Variants in RIBC2 observed in about 807,000 individuals in gnomAD.
RIBC2 encodes RIB43A-like with coiled-coils protein 2.
A neutral mutation model predicts 44.3 loss-of-function variants in RIBC2; 40 were observed. The ratio of observed to expected loss-of-function variants is 0.90; its 90% CI spans 0.70 to 1.18. The LOEUF is 1.18. Ranked by LOEUF, RIBC2 falls within the 50% of genes most tolerant of loss-of-function variation. RIBC2 has a pLI of 0.00. For missense variants in RIBC2, 459 were observed against 485.5 expected (o/e 0.95, Z 0.51); for synonymous variants, 171 against 175.0 (o/e 0.98, Z 0.18).
intron 3 of RIBC2, chr22:45,418,219 T>G: frequency 3.6e-6 from 1 of 279,736 alleles, no homozygotes; most frequent in Non-Finnish European, 6.7e-6. Flanking sequence ...CGTGTCGGGG[T>G]CCCAGTTGGA....
intron 3 of RIBC2, among the ~76,000 whole-genome samples, chr22:45,421,595 GTATTATTAATAATAATAATGT>G (rs2087485326): frequency 3.1e-5 from 1 of 32,010 alleles, no homozygotes; most frequent in South Asian, 1.7e-3. Flanking sequence ...AATAATAATA[GTATTATTAATAATAATAATGT>G]TATTATTCTG....
intron 2 of RIBC2, among the ~76,000 whole-genome samples, chr22:45,417,216 G>C (rs576268782): frequency 6.6e-6 from 1 of 152,172 alleles, no homozygotes; most frequent in African/African-American, 2.4e-5. Flanking sequence ...TTTCTTTATA[G>C]TGATCTGCCT....
At chr22:45,422,814 C>T (rs1298109132) in intron 4 of RIBC2, among the ~76,000 whole-genome samples, 3 of 152,098 alleles carry the variant, frequency 2.0e-5, no homozygotes, top group Non-Finnish European at 4.4e-5. Context: ...GGATGCTCAC[C>T]GATGGCAGGG....
Position 45,429,366 on chromosome 22 carries a change from T to C in RIBC2, c.904-1534T>C, listed in dbSNP as rs551469315. Reference sequence around the variant, plus strand: ...GGGACAAGAGAGGGCTGTCTCTGTGTGTGCTGAAACCACTGAGAATCCTGG... The same window carrying C: ...GGGACAAGAGAGGGCTGTCTCTGTGCGTGCTGAAACCACTGAGAATCCTGG... On this transcript the variant is annotated intron_variant, in intron 5 of 6. Transcript: ENST00000614167. 4.0e-3 allele frequency among the ~76,000 whole-genome samples: 603 copies of C among 152,178 alleles called. 1 individual carries two copies. Among genetic ancestry groups the C allele is most frequent in the Non-Finnish European group, 7.3e-3 (495 of 68,012 alleles).
chr22:45,421,343 AATT>A (rs1432035690), intron 3 of RIBC2, among the ~76,000 whole-genome samples: 2 of 131,906 alleles, frequency 1.5e-5, no homozygotes, highest in Non-Finnish European at 3.2e-5. Context: ...TAATAATAAT[AATT>A]AAATAATTAA....
intron 2 of RIBC2, among the ~76,000 whole-genome samples, chr22:45,414,917 C>A (rs577869791): frequency 2.3e-3 from 353 of 152,288 alleles, no homozygotes; most frequent in Non-Finnish European, 3.7e-3. Flanking sequence ...TGAAGGACAG[C>A]TGTTTATACC....
intron 5 of RIBC2, among the ~76,000 whole-genome samples, chr22:45,430,210 C>T (rs1009342611): frequency 2.6e-5 from 4 of 152,122 alleles, no homozygotes; most frequent in East Asian, 1.9e-4. Context: ...GCTTATTTGG[C>T]GGGAGGAGGC....
rs1445630465 is a variant in RIBC2 at position 45,421,589 on chromosome 22, A to G, written c.557-701A>G. 6.4e-3 allele frequency among the ~76,000 whole-genome samples: 241 copies of G among 37,942 alleles called. 7 individuals are homozygous for G. The highest frequency in any genetic ancestry group is 0.031 in the African/African-American group (225 of 7,252). 24.9% of individuals were successfully genotyped at this position (37,942 alleles called of 152,430 possible). On this transcript the variant is annotated intron_variant, in intron 3 of 6. Transcript: ENST00000614167. Reference sequence around the variant, plus strand: ...ATTAATAATAGTATTATTAATAATAATAATAGTATTATTAATAATAATAAT... The same window carrying G: ...ATTAATAATAGTATTATTAATAATAGTAATAGTATTATTAATAATAATAAT...
intron 3 of RIBC2, among the ~76,000 whole-genome samples, chr22:45,420,199 C>T (rs1347257064): frequency 1.3e-5 from 2 of 152,174 alleles, no homozygotes; most frequent in Admixed American, 6.5e-5. Context: ...CACTATCTTG[C>T]TGTTTTCAGA....
chr22:45,428,446 T>C (rs1216589342), intron 5 of RIBC2, among the ~76,000 whole-genome samples: 1 of 151,972 alleles, frequency 6.6e-6, no homozygotes, highest in Non-Finnish European at 1.5e-5. Context: ...GAGGGGGAAA[T>C]TGATGCCAGA....
chr22:45,419,299 C>T (rs2087455237), intron 3 of RIBC2, among the ~76,000 whole-genome samples: 1 of 152,012 alleles, frequency 6.6e-6, no homozygotes, highest in Non-Finnish European at 1.5e-5. Context: ...CCCTGCAGAC[C>T]TGACCTTCTA....
At chr22:45,423,058 C>T (rs1039188991) in intron 4 of RIBC2, among the ~76,000 whole-genome samples, 6 of 152,082 alleles carry the variant, frequency 3.9e-5, no homozygotes, top group African/African-American at 1.2e-4. Flanking sequence ...CATGGCTCAC[C>T]GCAGCCTCGA....
intron 2 of RIBC2, among the ~76,000 whole-genome samples, chr22:45,417,333 T>G (rs1393819534): frequency 6.6e-6 from 1 of 152,162 alleles, no homozygotes; most frequent in Non-Finnish European, 1.5e-5. Context: ...TTAATGGCTG[T>G]GTTACTTTTT....
At chr22:45,431,539 C>G (rs1209014568) in intron 6 of RIBC2, among the ~76,000 whole-genome samples, 1 of 152,248 alleles carries the variant, frequency 6.6e-6, no homozygotes, top group Admixed American at 6.5e-5. Context: ...CTGAAAAACA[C>G]AGTATTTATT....
intron 4 of RIBC2, 116 bp downstream of exon 4, chr22:45,422,524 C>T (rs2087496535): frequency 1.3e-6 from 1 of 762,332 alleles, no homozygotes; most frequent in Admixed American, 1.9e-5. Context: ...TCCCTGGTCA[C>T]ATGACCGGCC....
chr22:45,427,863 G>T (rs2087547695), intron 5 of RIBC2, among the ~76,000 whole-genome samples: 1 of 152,206 alleles, frequency 6.6e-6, no homozygotes, highest in South Asian at 2.1e-4. Context: ...TCAAACTCCT[G>T]GTCTCAAGTG....
At chr22:45,429,511 GA>G (rs2087560766) in intron 5 of RIBC2, among the ~76,000 whole-genome samples, 2 of 152,130 alleles carry the variant, frequency 1.3e-5, no homozygotes, top group African/African-American at 4.8e-5. Context: ...GAGGAGGAGG[GA>G]CAGTGGCGGT....
At chr22:45,419,545 G>A (rs572498794) in intron 3 of RIBC2, among the ~76,000 whole-genome samples, 2 of 152,112 alleles carry the variant, frequency 1.3e-5, no homozygotes, top group Non-Finnish European at 2.9e-5. Flanking sequence ...GCCAGCCCGG[G>A]CAACAAAGTG....
intron 4 of RIBC2, among the ~76,000 whole-genome samples, chr22:45,423,259 C>G (rs1367182525): frequency 6.7e-6 from 1 of 149,560 alleles, no homozygotes; most frequent in East Asian, 2.0e-4. Flanking sequence ...CTGGGATTAC[C>G]ACATCTGGCC....
Sources: gnomAD v4.1 joint callset for allele counts (sites outside exome capture counted in the v4.1 genomes callset) on GRCh38, gnomAD v4.1.1 for gene constraint, MANE v1.5 for transcripts, NCBI Gene and HGNC (gene_info 2026-07-23, HGNC 2026-07-21) for gene names.